Variants in KIRREL3 observed in about 807,000 individuals in gnomAD.
KIRREL3 encodes the protein kin of IRRE-like protein 3.
KIRREL3 carries 36 observed loss-of-function variants against 89.7 expected under a neutral mutation model. The ratio of observed to expected loss-of-function variants is 0.40; its 90% CI spans 0.31 to 0.53. KIRREL3 has a LOEUF of 0.53. Among genes scored for constraint, KIRREL3 ranks in the 20% least tolerant of loss-of-function variants. KIRREL3 has a pLI of 0.49. For missense variants in KIRREL3, 864 were observed against 1,056.6 expected (o/e 0.82, Z 2.53); for synonymous variants, 445 against 441.4 (o/e 1.01, Z -0.10).
intron 1 of KIRREL3, among the ~76,000 whole-genome samples, chr11:126,743,182 A>T (rs1279843163): frequency 6.6e-6 from 1 of 152,184 alleles, no homozygotes; most frequent in African/African-American, 2.4e-5. Flanking sequence ...AACAAAAAAA[A>T]CAGCACAAAG....
In KIRREL3 at chr11:126,896,879, C is replaced by T. The variant is rs1170648399; in HGVS notation, c.55+103576G>A. 6.6e-6 allele frequency among the ~76,000 whole-genome samples: 1 copy of T among 152,136 alleles called. No individual in the cohort carries two copies. On this transcript the variant is annotated intron_variant, in intron 1 of 16. Coordinates refer to ENST00000525144, the MANE Select transcript of KIRREL3 (RefSeq NM_032531.4). The surrounding 1 kb of genome is among the most constrained non-coding windows in gnomAD (Gnocchi z 4.1). ...CCCATTCACATATCATCATGTGCTT[C>T]ACACGCAGTGGGGATCTTAACAGGC...
intron 1 of KIRREL3, among the ~76,000 whole-genome samples, chr11:126,589,427 G>A (rs867941432): frequency 6.6e-6 from 1 of 152,172 alleles, no homozygotes; most frequent in Admixed American, 6.5e-5. Context: ...GCCGCCCTCC[G>A]CCCGCCCACC....
intron 1 of KIRREL3, among the ~76,000 whole-genome samples, chr11:126,826,951 T>G (rs114453737): frequency 0.013 from 2,055 of 152,310 alleles, 50 homozygotes; most frequent in African/African-American, 0.047. Flanking sequence ...TGAGGCAGAG[T>G]AGCAGAGGTC....
At chr11:126,731,626 G>T (rs1026494874) in intron 1 of KIRREL3, among the ~76,000 whole-genome samples, 1 of 152,214 alleles carries the variant, frequency 6.6e-6, no homozygotes, top group Admixed American at 6.5e-5. Context: ...ACACCTCGTT[G>T]CTGGAAGGAC....
At position 126,522,859 on chromosome 11, in the gene KIRREL3, G is replaced by C. The variant is rs1255968561; in HGVS notation, c.284-1395C>G. Among the ~76,000 whole-genome samples, 2 of 152,198 alleles carry C rather than the reference G, an allele frequency of 1.3e-5. No individual in the cohort carries two copies. The highest frequency in any genetic ancestry group is 2.9e-5 in the Non-Finnish European group (2 of 68,040). ...TTCCACTCCCCTCTGGCAGCCCCAG[G>C]CTGCTCCTCCTTTTGAAGGACCCTC... is the stretch of plus-strand genomic sequence containing the variant. On this transcript the variant is annotated intron_variant, in intron 3 of 16. Transcript: ENST00000525144. This position sits in a 1 kb window ranked among gnomAD's most constrained non-coding sequence, Gnocchi z 6.0.
At chr11:126,951,209 C>A (rs1042908028) in intron 1 of KIRREL3, among the ~76,000 whole-genome samples, 2 of 152,162 alleles carry the variant, frequency 1.3e-5, no homozygotes, top group Non-Finnish European at 2.9e-5. Context: ...GAGGAGCCTG[C>A]ACCTTTTGCT....
intron 1 of KIRREL3, among the ~76,000 whole-genome samples, chr11:126,928,631 G>A (rs372525533): frequency 1.3e-5 from 2 of 152,226 alleles, no homozygotes; most frequent in Admixed American, 6.5e-5. Context: ...GCCATGCTTG[G>A]GGGAGAGCAA....
At position 126,516,332 on chromosome 11, in the gene KIRREL3, C is replaced by A. The variant is rs1411857483; in HGVS notation, c.433+4983G>T. Among the ~76,000 whole-genome samples, 2 of 151,994 alleles carry A rather than the reference C, an allele frequency of 1.3e-5. No homozygotes were observed. The highest frequency in any genetic ancestry group is 1.5e-5 in the Non-Finnish European group (1 of 68,006). On this transcript the variant is annotated intron_variant, in intron 4 of 16. Coordinates refer to ENST00000525144, the MANE Select transcript of KIRREL3 (RefSeq NM_032531.4). This position sits in a 1 kb window ranked among gnomAD's most constrained non-coding sequence, Gnocchi z 4.9. The stretch of plus-strand genomic sequence containing the variant: ...TGAGGAGGGAGACTGGGAAAAATGC[C>A]CCTCTTAATAATTAATCTGATGCCA...
At chr11:126,862,907 C>A (rs1481802200) in intron 1 of KIRREL3, among the ~76,000 whole-genome samples, 1 of 152,220 alleles carries the variant, frequency 6.6e-6, no homozygotes, top group African/African-American at 2.4e-5. Context: ...CTGGCAGTTT[C>A]TCACCGTGGC....
chr11:126,783,059 T>G lies in KIRREL3; in HGVS notation c.55+217396A>C, dbSNP rs1347500989. On this transcript the variant is annotated intron_variant, in intron 1 of 16. Coordinates refer to ENST00000525144, the MANE Select transcript of KIRREL3 (RefSeq NM_032531.4). The surrounding 1 kb of genome is among the most constrained non-coding windows in gnomAD (Gnocchi z 4.3). Reference sequence around the variant, plus strand: ...AGTTTCCTAGAGATGTCATAACAAATAACTACAACTGGGTGGCTAAGAGCA... The same window carrying G: ...AGTTTCCTAGAGATGTCATAACAAAGAACTACAACTGGGTGGCTAAGAGCA... Among the ~76,000 whole-genome samples, 1 of 152,144 alleles carries G rather than the reference T, an allele frequency of 6.6e-6. No individual in the cohort carries two copies. Among genetic ancestry groups the G allele is most frequent in the Non-Finnish European group, 1.5e-5 (1 of 68,014 alleles).
Position 126,708,163 on chromosome 11 carries a change from C to T in KIRREL3, c.56-145251G>A, listed in dbSNP as rs1947613332. ...TTCCCGTGTGAAAGGACTCCCTGGT[C>T]AGGCGGTATTCATGCCGCCTGGAAA... is the stretch of plus-strand genomic sequence containing the variant. On this transcript the variant is annotated intron_variant, in intron 1 of 16. Transcript: ENST00000525144. This position sits in a 1 kb window ranked among gnomAD's most constrained non-coding sequence, Gnocchi z 5.7. Among the ~76,000 whole-genome samples the T allele has an allele frequency of 6.6e-6, 1 of 152,202 alleles. No individual in the cohort carries two copies. Among genetic ancestry groups the T allele is most frequent in the Non-Finnish European group, 1.5e-5 (1 of 68,042 alleles).
intron 1 of KIRREL3, among the ~76,000 whole-genome samples, chr11:126,886,720 C>G (rs553248545): frequency 6.6e-6 from 1 of 152,264 alleles, no homozygotes; most frequent in African/African-American, 2.4e-5. Flanking sequence ...AGCTTGGTCC[C>G]ATGAACTAAG....
chr11:126,530,838 C>A lies in KIRREL3; in HGVS notation c.134-4151G>T, dbSNP rs1783990. Among the ~76,000 whole-genome samples, 68,925 of 150,692 alleles carry A rather than the reference C, an allele frequency of 0.46. 16,359 individuals are homozygous for A. The highest frequency in any genetic ancestry group is 0.85 in the East Asian group (4,400 of 5,148). On this transcript the variant is annotated intron_variant, in intron 2 of 16. Transcript: ENST00000525144. The surrounding 1 kb of genome is among the most constrained non-coding windows in gnomAD (Gnocchi z 5.8). ...CTTCCCATACTTTATTTTTATTTTT[C>A]TTTTTTTTTTGAGACGGAGTCTGAC... is the stretch of plus-strand genomic sequence containing the variant.
In KIRREL3 at chr11:126,916,934, G is replaced by A. The variant is rs546736418; in HGVS notation, c.55+83521C>T. ...AGGGGACAGGATGTCCCCCAGCTTG[G>A]TTCTCCTACGACTGTTTCTGCGGGG... On this transcript the variant is annotated intron_variant, in intron 1 of 16. Transcript: ENST00000525144. 2.0e-5 allele frequency among the ~76,000 whole-genome samples: 3 copies of A among 152,288 alleles called. No individual in the cohort carries two copies. In the South Asian group the frequency reaches 6.2e-4, roughly 32 times the overall value.
chr11:126,958,801 T>G (rs1205874429), intron 1 of KIRREL3, among the ~76,000 whole-genome samples: 2 of 152,210 alleles, frequency 1.3e-5, no homozygotes, highest in Non-Finnish European at 2.9e-5. Flanking sequence ...TTCTTAGTCT[T>G]CTTTGTCCCT....
chr11:126,501,914 G>A lies in KIRREL3; in HGVS notation c.433+19401C>T, dbSNP rs1190761226. Among the ~76,000 whole-genome samples, 5 of 152,170 alleles carry A rather than the reference G, an allele frequency of 3.3e-5. No homozygotes were observed. The highest frequency in any genetic ancestry group is 5.9e-5 in the Non-Finnish European group (4 of 68,024). On this transcript the variant is annotated intron_variant, in intron 4 of 16. Coordinates refer to ENST00000525144, the MANE Select transcript of KIRREL3 (RefSeq NM_032531.4). This position sits in a 1 kb window ranked among gnomAD's most constrained non-coding sequence, Gnocchi z 5.8. Reference sequence around the variant, plus strand: ...TGCACCCAGGTGCCAAGGTAAGCACGGACGAGTGGGGACTGGTGGGCCACA... The same window carrying A: ...TGCACCCAGGTGCCAAGGTAAGCACAGACGAGTGGGGACTGGTGGGCCACA...
intron 1 of KIRREL3, among the ~76,000 whole-genome samples, chr11:126,939,248 G>A (rs184574988): frequency 6.6e-6 from 1 of 152,318 alleles, no homozygotes; most frequent in Non-Finnish European, 1.5e-5. Flanking sequence ...TCCCTTCTGA[G>A]ATGGGCAACA....
intron 1 of KIRREL3, among the ~76,000 whole-genome samples, chr11:126,654,473 T>G (rs1163651736): frequency 4.6e-5 from 7 of 152,278 alleles, no homozygotes; most frequent in Non-Finnish European, 8.8e-5. Flanking sequence ...AGGATTGGCC[T>G]TTCTGGGAAG....
intron 1 of KIRREL3, among the ~76,000 whole-genome samples, chr11:126,674,589 C>T (rs1388627076): frequency 6.6e-6 from 1 of 152,212 alleles, no homozygotes; most frequent in Non-Finnish European, 1.5e-5. Flanking sequence ...ATCCCCAATA[C>T]TGACATTCAC....
Sources: gnomAD v4.1 joint callset for allele counts (sites outside exome capture counted in the v4.1 genomes callset) on GRCh38, gnomAD v4.1.1 for gene constraint, Gnocchi (gnomAD v3.1) non-coding constraint, MANE v1.5 for transcripts, NCBI Gene and HGNC (gene_info 2026-07-23, HGNC 2026-07-21) for gene names.